CAMTA1: variants seen among roughly 807,000 people sequenced by gnomAD.
CAMTA1 encodes calmodulin-binding transcription activator 1.
Under a neutral mutation model 170.9 loss-of-function variants are expected in CAMTA1, and 27 were observed. The observed-to-expected ratio is 0.16, with a 90% CI of 0.12 to 0.22. The LOEUF is 0.22. Among genes scored for constraint, CAMTA1 ranks in the 10% least tolerant of loss-of-function variants. CAMTA1 has a pLI of 1.00. For missense variants in CAMTA1, 1,619 were observed against 2,217.2 expected (o/e 0.73, Z 5.42); for synonymous variants, 833 against 891.5 (o/e 0.93, Z 1.17).
intron 4 of CAMTA1, among the ~76,000 whole-genome samples, chr1:7,183,186 C>T (rs1373803589): frequency 6.6e-6 from 1 of 151,928 alleles, no homozygotes; most frequent in Non-Finnish European, 1.5e-5. Flanking sequence ...CTGGAGTGTC[C>T]GATGGTGAGA....
At chr1:7,755,817 A>G (rs535047105) in intron 22 of CAMTA1, 149 bp downstream of exon 22, 11 of 709,438 alleles carry the variant, frequency 1.6e-5, no homozygotes, top group South Asian at 1.4e-4. Context: ...AACTAACCCT[A>G]ATTACTAACA....
intron 1 of CAMTA1, among the ~76,000 whole-genome samples, chr1:6,802,233 A>T (rs1262150999): frequency 6.6e-6 from 1 of 152,166 alleles, no homozygotes; most frequent in Non-Finnish European, 1.5e-5. Context: ...TGCTTGAGTT[A>T]CATGTAGTGG....
intron 4 of CAMTA1, among the ~76,000 whole-genome samples, chr1:7,152,469 A>C (rs1471687055): frequency 6.6e-6 from 1 of 152,108 alleles, no homozygotes; most frequent in Non-Finnish European, 1.5e-5. Flanking sequence ...AGAGAATGTG[A>C]CCAGAGGCTT....
At chr1:6,795,069 G>A (rs1485076438) in intron 1 of CAMTA1, among the ~76,000 whole-genome samples, 3 of 152,064 alleles carry the variant, frequency 2.0e-5, no homozygotes, top group African/African-American at 7.2e-5. Context: ...ACTCATTTTT[G>A]AAAGTTATGC....
intron 11 of CAMTA1, among the ~76,000 whole-genome samples, chr1:7,720,963 A>G (rs2096645861): frequency 6.6e-6 from 1 of 152,200 alleles, no homozygotes; most frequent in Non-Finnish European, 1.5e-5. Flanking sequence ...AGCCACCTGG[A>G]CTGCACCTGG....
chr1:7,382,833 T>TAGATAGAC (rs2087489653), intron 5 of CAMTA1: 1 of 92,214 alleles, frequency 1.1e-5, no homozygotes, highest in Admixed American at 1.2e-4. Flanking sequence ...TCCTAGATGA[T>TAGATAGAC]AGATAGATAG....
intron 3 of CAMTA1, among the ~76,000 whole-genome samples, chr1:6,855,084 T>G (rs1381495269): frequency 6.6e-6 from 1 of 152,126 alleles, no homozygotes; most frequent in Admixed American, 6.6e-5. Context: ...ATGACATGAT[T>G]GTATATGTAG....
intron 5 of CAMTA1, among the ~76,000 whole-genome samples, chr1:7,327,338 C>T (rs1383049088): frequency 2.1e-5 from 3 of 140,078 alleles, no homozygotes; most frequent in Non-Finnish European, 3.0e-5. Context: ...ACCCGGGAGA[C>T]GGAGCTTGCA....
At chr1:7,257,231 C>T (rs181445489) in intron 5 of CAMTA1, among the ~76,000 whole-genome samples, 1 of 152,162 alleles carries the variant, frequency 6.6e-6, no homozygotes, top group African/African-American at 2.4e-5. Flanking sequence ...CAGTCCTGTG[C>T]GCATCATCTT....
intron 3 of CAMTA1, among the ~76,000 whole-genome samples, chr1:6,943,146 G>T (rs569238029): frequency 6.6e-6 from 1 of 151,818 alleles, no homozygotes; most frequent in African/African-American, 2.4e-5. Flanking sequence ...CATTAGCAGC[G>T]GTTAACACAG....
chr1:6,870,962 A>T lies in CAMTA1; in HGVS notation c.234+45752A>T, dbSNP rs942374965. 3.3e-5 allele frequency among the ~76,000 whole-genome samples: 5 copies of T among 152,232 alleles called. No individual in the cohort carries two copies. In the East Asian group the frequency reaches 9.6e-4, roughly 29 times the overall value. On this transcript the variant is annotated intron_variant, in intron 3 of 22. Transcript: ENST00000303635. ...ATTATAGTGCTTACCATTACTGCAA[A>T]GTTTGTCATGATTTGGGTGGTAGCT...
intron 5 of CAMTA1, among the ~76,000 whole-genome samples, chr1:7,295,014 C>T (rs1001900634): frequency 6.6e-5 from 10 of 152,352 alleles, no homozygotes; most frequent in Admixed American, 4.6e-4. Context: ...GAATCCACCA[C>T]CTCCGCTTTG....
intron 5 of CAMTA1, among the ~76,000 whole-genome samples, chr1:7,310,662 TCTTTC>T (rs1676441953): frequency 9.9e-5 from 6 of 60,574 alleles, no homozygotes; most frequent in African/African-American, 4.9e-4. Context: ...TTTCTTTCTT[TCTTTC>T]TTTCCTTTCT....
chr1:7,606,810 A>T (rs559672963), intron 6 of CAMTA1, among the ~76,000 whole-genome samples: 1 of 152,308 alleles, frequency 6.6e-6, no homozygotes, highest in South Asian at 2.1e-4. Context: ...CCAAAGGATC[A>T]TCAGGGTGAG....
chr1:7,294,988 T>C (rs762625265), intron 5 of CAMTA1, among the ~76,000 whole-genome samples: 4 of 152,230 alleles, frequency 2.6e-5, no homozygotes, highest in Non-Finnish European at 5.9e-5. Flanking sequence ...TTGTCTATGC[T>C]GGCAGACCTC....
chr1:7,184,779 C>T (rs904900439), intron 4 of CAMTA1, among the ~76,000 whole-genome samples: 19 of 152,170 alleles, frequency 1.2e-4, no homozygotes, highest in African/African-American at 3.6e-4. Flanking sequence ...GGGCTAGAGA[C>T]GAAGCCTAAT....
rs1371117752 is a variant in CAMTA1 at position 7,376,661 on chromosome 1, A to G, written c.439-91169A>G. 2.6e-5 allele frequency among the ~76,000 whole-genome samples: 4 copies of G among 152,256 alleles called. No homozygotes were observed. The East Asian group carries it at 7.7e-4, about 29-fold the overall frequency. The stretch of plus-strand genomic sequence containing the variant: ...TGTCATCACACCCATTTCATACTAG[A>G]GACTGGAAGAGATCAAAATTGTAGC... On this transcript the variant is annotated intron_variant, in intron 5 of 22. Coordinates refer to ENST00000303635, the MANE Select transcript of CAMTA1 (RefSeq NM_015215.4).
At chr1:7,709,385 GT>G (rs1234756814) in intron 11 of CAMTA1, among the ~76,000 whole-genome samples, 1 of 152,212 alleles carries the variant, frequency 6.6e-6, no homozygotes, top group Non-Finnish European at 1.5e-5. Context: ...CAAGACAAAC[GT>G]GATCCTACTC....
chr1:7,395,815 T>C (rs1016150456), intron 5 of CAMTA1, among the ~76,000 whole-genome samples: 1 of 152,196 alleles, frequency 6.6e-6, no homozygotes, highest in African/African-American at 2.4e-5. Flanking sequence ...TATTACTAGG[T>C]ACCTTAGTTT....
Sources: allele counts gnomAD v4.1 joint callset (sites outside exome capture counted in the v4.1 genomes callset), GRCh38; gene constraint gnomAD v4.1.1; transcripts MANE v1.5; gene names NCBI Gene and HGNC (gene_info 2026-07-23, HGNC 2026-07-21).